PRLR: variants seen among roughly 807,000 people sequenced by gnomAD.
PRLR encodes the protein hPRL receptor.
A neutral mutation model predicts 40.2 loss-of-function variants in PRLR; 13 were observed. The ratio of observed to expected loss-of-function variants is 0.32; its 90% CI spans 0.21 to 0.51. The LOEUF (loss-of-function observed/expected upper bound fraction) is 0.51, where lower values mean the gene tolerates loss of function less well. Ranked by LOEUF, PRLR falls within the 20% of genes least tolerant of loss-of-function variation. PRLR has a pLI of 0.97. For synonymous variants in PRLR, 269 were observed against 278.7 expected, an observed-to-expected ratio of 0.97 and a Z score of 0.35; for missense variants, 656 against 747.3, an observed-to-expected ratio of 0.88 and a Z score of 1.42.
At chr5:35,121,559 A>G (rs1289904907) in intron 1 of PRLR, among the ~76,000 whole-genome samples, 2 of 152,206 alleles carry the variant, frequency 1.3e-5, no homozygotes, top group Non-Finnish European at 2.9e-5. Context: ...AAATAATTCA[A>G]TTACCTCTGA....
intron 7 of PRLR, among the ~76,000 whole-genome samples, chr5:35,069,765 G>A (rs1485398958): frequency 6.6e-6 from 1 of 152,214 alleles, no homozygotes; most frequent in South Asian, 2.1e-4. Flanking sequence ...GGCAGAGACT[G>A]AGCCTTTGAG....
At position 35,056,701 on chromosome 5, in the gene PRLR, GGT is replaced by G. The variant is rs2112334405; in HGVS notation, c.*8386_*8387del. ...CATTAATTGTATAGAACCTGTGTCT[GGT>G]GACTGAGACTTCAAATTTTGCACCT... is the stretch of plus-strand genomic sequence containing the variant. On this transcript the variant is annotated 3_prime_UTR_variant, in exon 10 of 10. Transcript: ENST00000618457. 6.6e-6 allele frequency: 1 copy of G among 152,274 alleles called. No individual in the cohort carries two copies. Among genetic ancestry groups the G allele is most frequent in the South Asian group, 2.1e-4 (1 of 4,830 alleles). The allele number at this position is 152,274 out of a possible 1,614,324, so 9.4% of individuals were successfully genotyped here.
exon 9 of PRLR, chr5:35,049,197 A>G (rs1463895347): frequency 1.4e-6 from 1 of 701,112 alleles, no homozygotes; most frequent in Non-Finnish European, 2.6e-6. Context: ...GTGGACACAC[A>G]GCATCTCCCT....
chr5:35,172,325 C>T (rs1436361302), intron 1 of PRLR, among the ~76,000 whole-genome samples: 1 of 152,076 alleles, frequency 6.6e-6, no homozygotes, highest in African/African-American at 2.4e-5. Context: ...GGCTCTCTTG[C>T]CTTCTGACTC....
chr5:35,072,731 A>G lies in PRLR; in HGVS notation c.387T>C (p.Pro129=). Residue 129 remains proline, a synonymous_variant, in exon 6 of 10, where the codon CCT becomes CCC. Transcript: ENST00000618457. The part of the protein sequence containing the change: ...VDVTYIVQPD[P]PLELAVEVKQ... ...TTACTTCCACAGCCAGCTCCAAAGG[A>G]GGGTCTGGCTGAACTGCAGAAATAC... 6.2e-7 allele frequency: 1 copy of G among 1,614,054 alleles called. No homozygotes were observed. Among genetic ancestry groups the G allele is most frequent in the Non-Finnish European group, 8.5e-7 (1 of 1,179,982 alleles).
Position 35,065,197 on chromosome 5 carries a change from T to A in PRLR, c.1761A>T (p.Gln587His). 6.2e-7 allele frequency: 1 copy of A among 1,614,196 alleles called. No homozygotes were observed. The highest frequency in any genetic ancestry group is 1.1e-5 in the South Asian group (1 of 91,084). Residue 587 changes from glutamine to histidine, a missense_variant, in exon 10 of 10, where the codon CAA (glutamine) becomes CAT (histidine). This residue lies in a region of PRLR where 469 missense variants were observed against 491.5 expected (regional missense o/e 0.95). Coordinates refer to ENST00000618457, the MANE Select transcript of PRLR (RefSeq NM_000949.7). ...TGAAGTTGGCCAGGGCTTTCTCAGC[T>A]TGATTCTGTTCAAGTGATGGTGGGG... ...KEAPPSLEQNQAEKALANFTA... is the reference protein window; with the variant it reads ...KEAPPSLEQNHAEKALANFTA...
chr5:35,216,228 A>G (rs1776284562), intron 1 of PRLR, among the ~76,000 whole-genome samples: 1 of 152,200 alleles, frequency 6.6e-6, no homozygotes, highest in Non-Finnish European at 1.5e-5. Flanking sequence ...TCCCTCACCT[A>G]GATCACAGTG....
At chr5:35,097,729 G>C (rs1459690370) in intron 2 of PRLR, among the ~76,000 whole-genome samples, 1 of 152,118 alleles carries the variant, frequency 6.6e-6, no homozygotes. Context: ...GAAGGCTGTG[G>C]GAACCGGGGA....
At chr5:35,107,004 A>G (rs1772304225) in intron 2 of PRLR, among the ~76,000 whole-genome samples, 1 of 152,232 alleles carries the variant, frequency 6.6e-6, no homozygotes, top group Admixed American at 6.5e-5. Flanking sequence ...AATGTAAAAG[A>G]ACAGAAATTA....
At chr5:35,149,920 G>A (rs539294407) in intron 1 of PRLR, among the ~76,000 whole-genome samples, 10 of 151,878 alleles carry the variant, frequency 6.6e-5, no homozygotes, top group African/African-American at 2.2e-4. Flanking sequence ...GTGCAATGGC[G>A]CAATCTCAGC....
chr5:35,147,748 T>A (rs1471024904), intron 1 of PRLR, among the ~76,000 whole-genome samples: 1 of 152,156 alleles, frequency 6.6e-6, no homozygotes, highest in African/African-American at 2.4e-5. Context: ...GGTTTATACA[T>A]GCACAAATAT....
chr5:35,151,401 T>C (rs1422044317), intron 1 of PRLR, among the ~76,000 whole-genome samples: 2 of 152,222 alleles, frequency 1.3e-5, no homozygotes, highest in African/African-American at 4.8e-5. Flanking sequence ...AAATAAACCC[T>C]TGTTGTAAGT....
At chr5:35,222,709 A>G (rs1440103505) in intron 1 of PRLR, among the ~76,000 whole-genome samples, 1 of 152,214 alleles carries the variant, frequency 6.6e-6, no homozygotes, top group Non-Finnish European at 1.5e-5. Context: ...GAGAGTGGGT[A>G]GACTCACTTT....
intron 1 of PRLR, among the ~76,000 whole-genome samples, chr5:35,136,513 G>A (rs1397042565): frequency 6.6e-6 from 1 of 152,172 alleles, no homozygotes; most frequent in Admixed American, 6.5e-5. Context: ...AAATTCCCCT[G>A]GGAGGCAAAA....
chr5:35,139,686 T>G (rs1487506370), intron 1 of PRLR, among the ~76,000 whole-genome samples: 1 of 152,226 alleles, frequency 6.6e-6, no homozygotes, highest in Non-Finnish European at 1.5e-5. Flanking sequence ...CTAACTTTTA[T>G]TACTCCATAG....
intron 5 of PRLR, among the ~76,000 whole-genome samples, chr5:35,082,317 A>G (rs1436015281): frequency 6.6e-6 from 1 of 152,250 alleles, no homozygotes; most frequent in Non-Finnish European, 1.5e-5. Context: ...TAAGTTAAAT[A>G]CATACTAAAC....
chr5:35,127,879 G>T (rs1264520017), intron 1 of PRLR, among the ~76,000 whole-genome samples: 1 of 152,136 alleles, frequency 6.6e-6, no homozygotes, highest in African/African-American at 2.4e-5. Flanking sequence ...GAGAGTGATT[G>T]CTGTCATGTA....
rs75227787 is a variant in PRLR at position 35,213,943 on chromosome 5, T to A, written c.-106+16325A>T. ...GGAGGCCTTTGTCCAGGCTGAGGTG[T>A]GTCTGCAGACTCTCTTCTCCAGCAG... On this transcript the variant is annotated intron_variant, in intron 1 of 9. Transcript: ENST00000618457. Among the ~76,000 whole-genome samples the A allele has an allele frequency of 4.1e-3, 624 of 152,346 alleles. 6 individuals are homozygous for A. Among genetic ancestry groups the A allele is most frequent in the African/African-American group, 0.015 (610 of 41,588 alleles).
chr5:35,105,811 T>C (rs1328896290), intron 2 of PRLR, among the ~76,000 whole-genome samples: 1 of 152,206 alleles, frequency 6.6e-6, no homozygotes, highest in East Asian at 1.9e-4. Flanking sequence ...TGCAGGATAT[T>C]ATCCAGGAGT....
Sources: allele counts gnomAD v4.1 joint callset (sites outside exome capture counted in the v4.1 genomes callset), GRCh38; gene constraint gnomAD v4.1.1; regional missense constraint gnomAD v4.1.1; transcripts MANE v1.5; gene names NCBI Gene and HGNC (gene_info 2026-07-23, HGNC 2026-07-21).